The following PDXDC1 variants were observed in gnomAD, a reference collection of about 807,000 sequenced individuals.
The protein encoded by PDXDC1 is pyridoxal-dependent decarboxylase domain-containing protein 1.
In PDXDC1, 42 loss-of-function variants were observed where a neutral mutation model predicts 100.1. That is an observed-to-expected ratio of 0.42 (90% CI 0.33 to 0.54). The LOEUF (loss-of-function observed/expected upper bound fraction) is 0.54. Among genes scored for constraint, PDXDC1 ranks in the 20% least tolerant of loss-of-function variants. The pLI is 0.10. For synonymous variants in PDXDC1, 260 were observed against 371.7 expected (o/e 0.70, Z 3.46); for missense variants, 636 against 979.2 (o/e 0.65, Z 4.68).
chr16:15,131,657 C>T (rs374282259), intron 16 of PDXDC1: 3 of 1,581,812 alleles, frequency 1.9e-6, no homozygotes, highest in East Asian at 2.3e-5. Context: ...GCTCCCAGCT[C>T]TGAGCGCTGT....
At chr16:14,992,643 G>A (rs916974522) in intron 1 of PDXDC1, among the ~76,000 whole-genome samples, 19 of 152,262 alleles carry the variant, frequency 1.2e-4, no homozygotes, top group African/African-American at 4.3e-4. Flanking sequence ...TAAAAATTTG[G>A]TCATGGCTAA....
intron 16 of PDXDC1, among the ~76,000 whole-genome samples, chr16:15,062,487 C>A (rs1445261309): frequency 6.6e-6 from 1 of 152,220 alleles, no homozygotes; most frequent in South Asian, 2.1e-4. Flanking sequence ...TCCCAAGCAA[C>A]AGAGCAGCGA....
chr16:14,987,433 A>T (rs1567617520), intron 1 of PDXDC1, among the ~76,000 whole-genome samples: 1 of 152,274 alleles, frequency 6.6e-6, no homozygotes, highest in Non-Finnish European at 1.5e-5. Flanking sequence ...ATGTGTGTAG[A>T]GGCGTTAATT....
rs1051457116 is a variant in PDXDC1, at chr16:15,046,671, G to A, written c.1399+16615G>A. The stretch of plus-strand genomic sequence containing the variant: ...GCCCAAGAGTTTAAGACCGGCCTGG[G>A]CAACTTGGCAAAACCCTGTCTCTAC... On this transcript the variant is annotated intron_variant, in intron 16 of 16. Coordinates refer to the PDXDC1 transcript ENST00000535621. Among the ~76,000 whole-genome samples the A allele has an allele frequency of 4.2e-5, 6 of 143,202 alleles. No homozygotes were observed. In the South Asian group the frequency reaches 1.3e-3, roughly 31 times the overall value. 93.9% of individuals were successfully genotyped at this position (143,202 alleles called of 152,430 possible). A position where few individuals can be genotyped will look rare whatever the true frequency, so the allele number is the denominator to read the frequency against.
intron 8 of PDXDC1, chr16:15,015,872 G>C: frequency 2.4e-6 from 2 of 824,424 alleles, no homozygotes; most frequent in South Asian, 4.2e-5. Context: ...AGCAGATCAA[G>C]TAGATAGAAA....
At chr16:15,150,386 TAAAA>T in the PDXDC1 span, among the ~76,000 whole-genome samples, 4 of 145,774 alleles carry the variant, frequency 2.7e-5, no homozygotes, top group Admixed American at 6.8e-5. Flanking sequence ...AATAAATAAA[TAAAA>T]GACATCACTC....
intron 16 of PDXDC1, among the ~76,000 whole-genome samples, chr16:15,079,222 T>G (rs1005311296): frequency 6.6e-6 from 1 of 152,132 alleles, no homozygotes; most frequent in Non-Finnish European, 1.5e-5. Context: ...TCCAAACCAG[T>G]CTCAAGCACC....
intron 16 of PDXDC1, chr16:15,128,055 C>T (rs1218564533): frequency 1.9e-6 from 3 of 1,606,708 alleles, no homozygotes; most frequent in African/African-American, 1.3e-5. Flanking sequence ...GAAAGCCAGT[C>T]ATTGACCAGG....
At chr16:15,063,704 CAA>C (rs10664930) in intron 16 of PDXDC1, among the ~76,000 whole-genome samples, 3 of 89,124 alleles carry the variant, frequency 3.4e-5, no homozygotes, top group African/African-American at 5.1e-5. Flanking sequence ...GACTCTGTCT[CAA>C]AAAAAAAAAA....
chr16:15,070,664 T>C (rs2151774373), intron 16 of PDXDC1, among the ~76,000 whole-genome samples: 1 of 152,248 alleles, frequency 6.6e-6, no homozygotes, highest in Non-Finnish European at 1.5e-5. Context: ...GTGAATAATT[T>C]TGTGGTTGGG....
the PDXDC1 span, among the ~76,000 whole-genome samples, chr16:15,149,992 G>A: frequency 3.9e-5 from 6 of 152,182 alleles, no homozygotes; most frequent in East Asian, 7.7e-4. Flanking sequence ...GGCTGCAGGA[G>A]CCAGTTTCTT....
At chr16:15,136,733 G>A (rs1486280818) in intron 16 of PDXDC1, 3 of 1,552,976 alleles carry the variant, frequency 1.9e-6, no homozygotes, top group East Asian at 4.5e-5. Context: ...GTGTCCGAGG[G>A]GCAGAGCGGG....
At chr16:15,092,647 C>T in intron 16 of PDXDC1, 1 of 1,294,528 alleles carries the variant, frequency 7.7e-7, no homozygotes, top group Non-Finnish European at 1.1e-6. Context: ...CTATTAAGTT[C>T]ATGAAAATAA....
At chr16:15,142,816 G>A (rs542368104), downstream of PDXDC1, among the ~76,000 whole-genome samples, 232 of 147,804 alleles carry the variant, frequency 1.6e-3, 1 homozygote, top group African/African-American at 5.5e-3. Flanking sequence ...CTGCCCCCAC[G>A]TTCTGGTTCC....
downstream of PDXDC1, among the ~76,000 whole-genome samples, chr16:15,140,115 A>G (rs1430960912): frequency 8.1e-5 from 12 of 148,444 alleles, no homozygotes; most frequent in South Asian, 2.1e-3. Flanking sequence ...AAAAAAAAAA[A>G]AAAGAAAAGA....
chr16:15,038,900 C>G (rs1168732919), downstream of PDXDC1, among the ~76,000 whole-genome samples: 2 of 152,222 alleles, frequency 1.3e-5, no homozygotes, highest in African/African-American at 4.8e-5. Context: ...TGAGCGCCAA[C>G]AGCAGTCCCA....
rs548807168 is a variant in PDXDC1 at position 15,106,647 on chromosome 16, C to T, written c.1400-32232C>T. ...GCAGGCACCTGTAAGCCCAGCTACT[C>T]GGGAGGCTGAGGCAGGGGAATCACT... On this transcript the variant is annotated intron_variant, in intron 16 of 16. Transcript: ENST00000535621. Among the ~76,000 whole-genome samples the T allele has an allele frequency of 3.4e-5, 5 of 147,826 alleles. No individual in the cohort carries two copies. The East Asian group carries it at 5.9e-4, about 17-fold the overall frequency.
At chr16:15,090,085 C>T (rs1172959730) in intron 16 of PDXDC1, among the ~76,000 whole-genome samples, 3 of 149,896 alleles carry the variant, frequency 2.0e-5, no homozygotes, top group African/African-American at 7.4e-5. Context: ...TGGCGGGTGC[C>T]TGTAATCTCA....
intron 16 of PDXDC1, among the ~76,000 whole-genome samples, chr16:15,030,688 A>G (rs1293030361): frequency 1.3e-5 from 2 of 151,004 alleles, no homozygotes; most frequent in Admixed American, 1.3e-4. Flanking sequence ...GGCTCAAGTG[A>G]TCTTCCCACC....
Sources: allele counts gnomAD v4.1 joint callset (sites outside exome capture counted in the v4.1 genomes callset), GRCh38; gene constraint gnomAD v4.1.1; transcripts MANE v1.5; gene names NCBI Gene and HGNC (gene_info 2026-07-23, HGNC 2026-07-21).